Variants in C8orf74 observed in about 807,000 individuals in gnomAD.
The protein encoded by C8orf74 is chromosome 8 open reading frame 74, also known as uncharacterized protein C8orf74.
Under a neutral mutation model 22.2 loss-of-function variants are expected in C8orf74, and 29 were observed. The observed-to-expected ratio is 1.31, with a 90% CI of 0.97 to 1.78. The LOEUF is 1.78. Among genes scored for constraint, C8orf74 ranks in the 40% most tolerant of loss-of-function variants. The probability of loss-of-function intolerance (pLI) is 0.00; values close to 1 mark genes in which losing one functional copy is unlikely to be tolerated. For synonymous variants in C8orf74, 255 were observed against 163.1 expected (o/e 1.56, Z -4.30); for missense variants, 515 against 369.9 (o/e 1.39, Z -3.22).
intron 2 of C8orf74, among the ~76,000 whole-genome samples, chr8:10,695,059 G>A (rs1048327693): frequency 3.9e-5 from 6 of 151,906 alleles, no homozygotes; most frequent in Non-Finnish European, 8.8e-5. Context: ...GGACAGAGAT[G>A]AAGGAAGGAA....
At chr8:10,676,363 T>C (rs1799032297) in intron 2 of C8orf74, among the ~76,000 whole-genome samples, 1 of 152,110 alleles carries the variant, frequency 6.6e-6, no homozygotes, top group Non-Finnish European at 1.5e-5. Context: ...TGTCCTTCTC[T>C]AACCTCACCA....
chr8:10,688,207 G>GAA (rs59178861), intron 2 of C8orf74: 28 of 91,116 alleles, frequency 3.1e-4, no homozygotes, highest in African/African-American at 5.1e-4. Context: ...TCCACCTCCA[G>GAA]AAAAAAAAAA....
intron 2 of C8orf74, among the ~76,000 whole-genome samples, chr8:10,681,989 C>T (rs1799160983): frequency 1.3e-5 from 2 of 152,248 alleles, no homozygotes; most frequent in South Asian, 4.1e-4. Context: ...AGTGACTCTT[C>T]CAAGCTCCTG....
In C8orf74 at chr8:10,700,283, C is replaced by T. The variant is rs897474308; in HGVS notation, c.697C>T (p.Leu233=). The T allele has an allele frequency of 3.1e-6, 5 of 1,613,352 alleles. No homozygotes were observed. The highest frequency in any genetic ancestry group is 2.2e-5 in the East Asian group (1 of 44,860). The change falls in exon 4 of 4, where the codon CTG becomes TTG. Residue 233 remains leucine (L), a synonymous_variant. Transcript: ENST00000304519. ...CQAVHTQMEL[L]QELLQRQIQN... The stretch of plus-strand genomic sequence containing the variant: ...GGCAGTCCACACCCAGATGGAGCTC[C>T]TGCAGGAGCTGCTGCAGCGCCAGAT...
rs184231956 is a variant in C8orf74, at chr8:10,681,323, C to T, written c.241+6485C>T. Reference sequence around the variant, plus strand: ...CTGGGAAGCTCTGGGCAGATCACATCCAGCCATCTCCCCCGGGTCAAGGGT... The same window carrying T: ...CTGGGAAGCTCTGGGCAGATCACATTCAGCCATCTCCCCCGGGTCAAGGGT... On this transcript the variant is annotated intron_variant, in intron 2 of 3. Transcript: ENST00000304519. Among the ~76,000 whole-genome samples, 1,109 of 152,276 alleles carry T rather than the reference C, an allele frequency of 7.3e-3. 18 individuals carry two copies. The highest frequency in any genetic ancestry group is 0.026 in the African/African-American group (1,067 of 41,554).
At chr8:10,686,293 G>T (rs78572300) in intron 2 of C8orf74, among the ~76,000 whole-genome samples, 1 of 152,296 alleles carries the variant, frequency 6.6e-6, no homozygotes, top group African/African-American at 2.4e-5. Flanking sequence ...CAGTAGGCAA[G>T]CCACATGCAT....
At chr8:10,678,705 G>T (rs752743559) in intron 2 of C8orf74, among the ~76,000 whole-genome samples, 12 of 152,262 alleles carry the variant, frequency 7.9e-5, no homozygotes, top group Admixed American at 1.3e-4. Flanking sequence ...CCCACCAGGA[G>T]AGCTGGCTCC....
intron 2 of C8orf74, chr8:10,690,913 C>T (rs564892556): frequency 2.2e-6 from 1 of 456,170 alleles, no homozygotes; most frequent in East Asian, 7.0e-5. Context: ...AGGAAGTTCC[C>T]AGCAGCCAAT....
chr8:10,680,347 A>C lies in C8orf74; in HGVS notation c.241+5509A>C, dbSNP rs6601502. On this transcript the variant is annotated intron_variant, in intron 2 of 3. Transcript: ENST00000304519. ...GGCAGTAACAGTTCCTACTTATAGG[A>C]AGGAGCAAATGAATCAGACATGCAG... 2.8e-3 allele frequency among the ~76,000 whole-genome samples: 422 copies of C among 152,346 alleles called. 3 individuals are homozygous for C. The highest frequency in any genetic ancestry group is 8.8e-3 in the African/African-American group (365 of 41,580).
intron 2 of C8orf74, among the ~76,000 whole-genome samples, chr8:10,678,312 G>A (rs899163271): frequency 5.3e-5 from 8 of 152,184 alleles, no homozygotes; most frequent in Non-Finnish European, 1.2e-4. Flanking sequence ...ATCAAATGAG[G>A]CTGTGCCTTA....
At position 10,698,901 on chromosome 8, in the gene C8orf74, CCACACACACACA is replaced by C. The variant is rs59324425; in HGVS notation, c.648+930_648+941del. 2.6e-3 allele frequency among the ~76,000 whole-genome samples: 352 copies of C among 137,622 alleles called. 3 individuals are homozygous for C. Among genetic ancestry groups the C allele is most frequent in the East Asian group, 0.014 (65 of 4,766 alleles). The allele number at this position is 137,622 out of a possible 152,430, so 90.3% of individuals were successfully genotyped here. A position where few individuals can be genotyped will look rare whatever the true frequency, so the allele number is the denominator to read the frequency against. ...GTATTCCTTTAGGGTTACACACACA[CCACACACACACA>C]CACACACACACACACACACACACAC... On this transcript the variant is annotated intron_variant, in intron 3 of 3. Transcript: ENST00000304519.
At chr8:10,695,009 G>T (rs1799460049) in intron 2 of C8orf74, among the ~76,000 whole-genome samples, 1 of 151,892 alleles carries the variant, frequency 6.6e-6, no homozygotes. Context: ...ATGGATGAAT[G>T]GATGGATGGG....
chr8:10,682,686 C>A (rs559048387), intron 2 of C8orf74, among the ~76,000 whole-genome samples: 2 of 152,294 alleles, frequency 1.3e-5, no homozygotes, highest in African/African-American at 4.8e-5. Context: ...GGGATTAGGA[C>A]CTCAACACGT....
At chr8:10,694,513 T>G (rs1017556001) in intron 2 of C8orf74, among the ~76,000 whole-genome samples, 3 of 152,138 alleles carry the variant, frequency 2.0e-5, no homozygotes, top group African/African-American at 7.2e-5. Context: ...ATCCACATGT[T>G]GCAAGAGAAA....
chr8:10,683,325 C>G (rs574480935), intron 2 of C8orf74, among the ~76,000 whole-genome samples: 2 of 152,344 alleles, frequency 1.3e-5, no homozygotes, highest in South Asian at 4.1e-4. Flanking sequence ...GTGTCCTGGC[C>G]TGGATGTGCC....
intron 2 of C8orf74, chr8:10,687,314 T>C: frequency 3.0e-6 from 1 of 330,526 alleles, no homozygotes; most frequent in Non-Finnish European, 6.1e-6. Flanking sequence ...ATGGAATCAA[T>C]ATATGCAATG....
At chr8:10,681,159 C>A (rs1799139924) in intron 2 of C8orf74, among the ~76,000 whole-genome samples, 2 of 152,068 alleles carry the variant, frequency 1.3e-5, no homozygotes, top group Admixed American at 6.6e-5. Context: ...CCGATCAGGC[C>A]TTGGCGCAGG....
At chr8:10,695,052 C>A (rs1478748521) in intron 2 of C8orf74, among the ~76,000 whole-genome samples, 1 of 148,836 alleles carries the variant, frequency 6.7e-6, no homozygotes, top group South Asian at 2.1e-4. Flanking sequence ...GAAAGATGGA[C>A]AGAGATGAAG....
chr8:10,698,105 G>C, intron 3 of C8orf74, 100 bp downstream of exon 3: 2 of 1,197,084 alleles, frequency 1.7e-6, no homozygotes, highest in Non-Finnish European at 2.2e-6. Flanking sequence ...GTGGCACACA[G>C]GGGAGGGGGA....
Sources: allele counts gnomAD v4.1 joint callset (sites outside exome capture counted in the v4.1 genomes callset), GRCh38; gene constraint gnomAD v4.1.1; transcripts MANE v1.5; gene names NCBI Gene and HGNC (gene_info 2026-07-23, HGNC 2026-07-21).